Variants in CTNND2 observed in about 807,000 individuals in gnomAD.
CTNND2 encodes catenin delta-2.
In CTNND2, 22 loss-of-function variants were observed where a neutral mutation model predicts 144.4. The observed-to-expected ratio is 0.15, with a 90% CI of 0.11 to 0.22. CTNND2 has a LOEUF of 0.22. Among genes scored for constraint, CTNND2 ranks in the 10% least tolerant of loss-of-function variants. The probability of loss-of-function intolerance (pLI) is 1.00; values close to 1 mark genes in which losing one functional copy is unlikely to be tolerated. For synonymous variants in CTNND2, 751 were observed against 695.6 expected (o/e 1.08, Z -1.25); for missense variants, 1,353 against 1,618.8 (o/e 0.84, Z 2.82).
At chr5:11,617,221 T>A (rs1370216936) in intron 2 of CTNND2, among the ~76,000 whole-genome samples, 1 of 152,188 alleles carries the variant, frequency 6.6e-6, no homozygotes, top group Non-Finnish European at 1.5e-5. Flanking sequence ...ATTTCTGAAT[T>A]CTCTATCTTG....
intron 2 of CTNND2, among the ~76,000 whole-genome samples, chr5:11,639,782 T>C (rs932321659): frequency 1.3e-5 from 2 of 152,184 alleles, no homozygotes; most frequent in African/African-American, 4.8e-5. Context: ...CAAATTTCCT[T>C]TTCTCAGCAT....
intron 12 of CTNND2, among the ~76,000 whole-genome samples, chr5:11,143,331 C>A (rs1459472417): frequency 1.3e-5 from 2 of 152,148 alleles, no homozygotes; most frequent in African/African-American, 4.8e-5. Context: ...GTGGCTTAAG[C>A]AACAGAAATG....
chr5:11,810,081 T>C (rs566506645), intron 1 of CTNND2, among the ~76,000 whole-genome samples: 26 of 152,308 alleles, frequency 1.7e-4, no homozygotes, highest in South Asian at 1.2e-3. Flanking sequence ...TAAGAACTTA[T>C]ATGTAAGACT....
At chr5:11,217,721 A>T (rs931336670) in intron 10 of CTNND2, among the ~76,000 whole-genome samples, 1 of 152,230 alleles carries the variant, frequency 6.6e-6, no homozygotes, top group Non-Finnish European at 1.5e-5. Flanking sequence ...ATTCTCTACC[A>T]GTGCCTAAGA....
At chr5:11,190,887 G>A (rs1580539782) in intron 11 of CTNND2, among the ~76,000 whole-genome samples, 2 of 152,164 alleles carry the variant, frequency 1.3e-5, no homozygotes, top group East Asian at 1.9e-4. Flanking sequence ...TCAGGTTCAC[G>A]AACAACGGAA....
intron 7 of CTNND2, among the ~76,000 whole-genome samples, chr5:11,374,415 C>T (rs1757724786): frequency 6.6e-6 from 1 of 152,146 alleles, no homozygotes; most frequent in Non-Finnish European, 1.5e-5. Context: ...TTCAAACTAC[C>T]TCTCCTCCCT....
At chr5:11,109,476 A>C (rs953420984) in intron 14 of CTNND2, among the ~76,000 whole-genome samples, 4 of 152,218 alleles carry the variant, frequency 2.6e-5, no homozygotes, top group Admixed American at 6.5e-5. Context: ...CACCAATGCC[A>C]AAGGTAAGGG....
intron 9 of CTNND2, among the ~76,000 whole-genome samples, chr5:11,262,761 C>CAAAAAAAAAAAAAAAAAAAAAAAAAAA (rs11289676): frequency 6.6e-4 from 30 of 45,690 alleles, no homozygotes; most frequent in Non-Finnish European, 9.4e-4. Context: ...GACTCTGTCT[C>CAAAAAAAAAAAAAAAAAAAAAAAAAAA]AAAAAAAAAA....
intron 9 of CTNND2, among the ~76,000 whole-genome samples, chr5:11,244,396 T>C (rs1742775665): frequency 6.6e-6 from 1 of 150,784 alleles, no homozygotes; most frequent in South Asian, 2.1e-4. Context: ...GTGATTCTCC[T>C]GCCTCAGCCT....
intron 11 of CTNND2, among the ~76,000 whole-genome samples, chr5:11,192,337 T>G (rs1385288210): frequency 6.6e-6 from 1 of 152,218 alleles, no homozygotes; most frequent in East Asian, 1.9e-4. Flanking sequence ...GGTCTCCATG[T>G]GCTCACTTCC....
At chr5:11,220,112 G>A (rs1739636417) in intron 10 of CTNND2, among the ~76,000 whole-genome samples, 1 of 152,070 alleles carries the variant, frequency 6.6e-6, no homozygotes, top group South Asian at 2.1e-4. Context: ...GAGAAAAACA[G>A]AAGAGGGACA....
intron 3 of CTNND2, among the ~76,000 whole-genome samples, chr5:11,523,628 C>G (rs536780101): frequency 5.9e-5 from 9 of 152,328 alleles, no homozygotes; most frequent in African/African-American, 1.9e-4. Context: ...GTGACAATCT[C>G]AGTTCATCTC....
intron 10 of CTNND2, among the ~76,000 whole-genome samples, chr5:11,233,171 C>T (rs1411922003): frequency 6.6e-6 from 1 of 152,034 alleles, no homozygotes; most frequent in Non-Finnish European, 1.5e-5. Flanking sequence ...CAGAGGGGAA[C>T]TGAGGAGATG....
At chr5:11,858,917 A>C (rs976239402) in intron 1 of CTNND2, among the ~76,000 whole-genome samples, 3 of 152,368 alleles carry the variant, frequency 2.0e-5, no homozygotes, top group South Asian at 2.1e-4. Context: ...CGACAGAGTG[A>C]GACTACGTCT....
chr5:10,972,693 A>C lies in CTNND2; in HGVS notation c.*760T>G, dbSNP rs2149474926. The C allele has an allele frequency of 6.5e-6, 1 of 152,782 alleles. No homozygotes were observed. The highest frequency in any genetic ancestry group is 1.9e-4 in the East Asian group (1 of 5,194). The allele number at this position is 152,782 out of a possible 1,614,324, so 9.5% of individuals were successfully genotyped here. On this transcript the variant is annotated 3_prime_UTR_variant, in exon 22 of 22. Transcript: ENST00000304623. ...GGAATGATGTATGTTAATTGTCAGA[A>C]ACTGCTGAATGCCTTGTTTAGTTGT...
At chr5:11,290,243 C>T (rs1748187933) in intron 9 of CTNND2, among the ~76,000 whole-genome samples, 1 of 152,178 alleles carries the variant, frequency 6.6e-6, no homozygotes, top group South Asian at 2.1e-4. Context: ...AATTTAAAAG[C>T]CTTTGCATTC....
chr5:11,035,032 C>T (rs1392689520), intron 16 of CTNND2, among the ~76,000 whole-genome samples: 430 of 131,436 alleles, frequency 3.3e-3, no homozygotes, highest in Middle Eastern at 0.016. Context: ...CTCCCCCCAC[C>T]CCACAGCAGT....
intron 3 of CTNND2, among the ~76,000 whole-genome samples, chr5:11,493,067 G>A (rs763347737): frequency 6.6e-6 from 1 of 152,018 alleles, no homozygotes; most frequent in Non-Finnish European, 1.5e-5. Flanking sequence ...CCCAGATCCT[G>A]CCATTACACT....
At chr5:11,690,338 G>A (rs1280663908) in intron 2 of CTNND2, among the ~76,000 whole-genome samples, 1 of 152,090 alleles carries the variant, frequency 6.6e-6, no homozygotes, top group East Asian at 1.9e-4. Flanking sequence ...AAACAAGAAA[G>A]CATACTATTG....
Sources: gnomAD v4.1 joint callset for allele counts (sites outside exome capture counted in the v4.1 genomes callset) on GRCh38, gnomAD v4.1.1 for gene constraint, MANE v1.5 for transcripts, NCBI Gene and HGNC (gene_info 2026-07-23, HGNC 2026-07-21) for gene names.